The following SERPINE2 variants were observed in gnomAD, a reference collection of about 807,000 sequenced individuals.
SERPINE2 encodes serpin family E member 2, also known as glia-derived nexin.
SERPINE2 carries 14 observed loss-of-function variants against 36.3 expected under a neutral mutation model. The observed-to-expected ratio is 0.39, with a 90% confidence interval of 0.25 to 0.60. The LOEUF is 0.60. Ranked by LOEUF, SERPINE2 falls within the 20% of genes least tolerant of loss-of-function variation. The pLI is 0.57. For synonymous variants in SERPINE2, 192 were observed against 191.8 expected (o/e 1.00, Z -0.01); for missense variants, 418 against 499.6 (o/e 0.84, Z 1.56).
At chr2:224,021,864 A>G (rs1284258659) in intron 1 of SERPINE2, among the ~76,000 whole-genome samples, 5 of 152,198 alleles carry the variant, frequency 3.3e-5, no homozygotes, top group Admixed American at 2.6e-4. Flanking sequence ...TCTCTACTAA[A>G]AATACAAAAA....
At chr2:223,990,226 G>C (rs1285869231) in intron 4 of SERPINE2, among the ~76,000 whole-genome samples, 1 of 152,214 alleles carries the variant, frequency 6.6e-6, no homozygotes, top group African/African-American at 2.4e-5. Flanking sequence ...GTAAAGAAGA[G>C]AGGCATGAAT....
rs1323386193 is a variant in SERPINE2 at position 223,998,222 on chromosome 2, A to C, written c.380T>G (p.Val127Gly). ...CTGGAACACATCTTTGTTCCTTGTA[A>C]CAAAAGGCACTTCAATTTCAGAGGC... ...KNASEIEVPF[V>G]TRNKDVFQCE... Residue 127 changes from valine (V) to glycine (G), a missense_variant, in exon 3 of 9, where the codon GTT (valine) becomes GGT (glycine). Coordinates refer to ENST00000409304, the MANE Select transcript of SERPINE2 (RefSeq NM_001136528.2). 6.2e-7 allele frequency: 1 copy of C among 1,614,202 alleles called. No individual in the cohort carries two copies. Among genetic ancestry groups the C allele is most frequent in the South Asian group, 1.1e-5 (1 of 91,088 alleles).
In SERPINE2 at chr2:223,982,788, T is replaced by C; in HGVS notation, c.885-7A>G. The stretch of plus-strand genomic sequence containing the variant: ...TTGTGCTACAGCTGTGAACCTAGCA[T>C]GAAAGCAGAAATGGAGAAAAAAAAT... On this transcript the variant is annotated splice_polypyrimidine_tract_variant and splice_region_variant and intron_variant, in intron 5 of 8. Coordinates refer to ENST00000409304, the MANE Select transcript of SERPINE2 (RefSeq NM_001136528.2). The C allele has an allele frequency of 2.5e-6, 4 of 1,605,970 alleles. No individual in the cohort carries two copies. Among genetic ancestry groups the C allele is most frequent in the Non-Finnish European group, 3.4e-6 (4 of 1,175,944 alleles).
chr2:224,008,663 T>C (rs1691510863), intron 1 of SERPINE2, among the ~76,000 whole-genome samples: 1 of 152,238 alleles, frequency 6.6e-6, no homozygotes, highest in Non-Finnish European at 1.5e-5. Flanking sequence ...ATACATCTTC[T>C]GTTCCAGATG....
chr2:224,004,372 G>C (rs1691310778), intron 1 of SERPINE2, among the ~76,000 whole-genome samples: 1 of 152,222 alleles, frequency 6.6e-6, no homozygotes, highest in African/African-American at 2.4e-5. Context: ...TAAAGATTTA[G>C]AATGTTCCGT....
intron 1 of SERPINE2, among the ~76,000 whole-genome samples, chr2:224,036,643 A>T (rs983640560): frequency 2.5e-3 from 13 of 5,268 alleles, no homozygotes; most frequent in East Asian, 0.016. Flanking sequence ...AATAAAAATT[A>T]AAAAAAAAAA....
rs2106126031 is a variant in SERPINE2 at position 223,975,918 on chromosome 2, AG to A, written c.1157-15del. 6.3e-7 allele frequency: 1 copy of A among 1,596,302 alleles called. No homozygotes were observed. Among genetic ancestry groups the A allele is most frequent in the East Asian group, 2.2e-5 (1 of 44,656 alleles). On this transcript the variant is annotated splice_polypyrimidine_tract_variant and intron_variant, in intron 8 of 8. Coordinates refer to ENST00000409304, the MANE Select transcript of SERPINE2 (RefSeq NM_001136528.2). ...ATAACACAGCACCTACAGAATTAAAAGAAAACAATGCATGACTCTGTAAATT... is the reference window on the plus strand; with the variant it reads ...ATAACACAGCACCTACAGAATTAAAAAAAACAATGCATGACTCTGTAAATT...
chr2:224,014,299 G>A (rs1203046015), intron 1 of SERPINE2, among the ~76,000 whole-genome samples: 1 of 152,014 alleles, frequency 6.6e-6, no homozygotes, highest in Non-Finnish European at 1.5e-5. Context: ...CACTAGAACC[G>A]AGGAGGCAGA....
rs372191986 is a variant in SERPINE2, at chr2:223,990,730, C to A, written c.685+1073G>T. ...CGGTGGCTCATGCCTGTAATCCCAG[C>A]AGTTTGAGAGGCCAAGGCAGGTGGA... On this transcript the variant is annotated intron_variant, in intron 4 of 8. Coordinates refer to ENST00000409304, the MANE Select transcript of SERPINE2 (RefSeq NM_001136528.2). 9.2e-5 allele frequency among the ~76,000 whole-genome samples: 14 copies of A among 152,248 alleles called. 1 individual carries two copies. In the East Asian group the frequency reaches 2.5e-3, roughly 27 times the overall value.
intron 3 of SERPINE2, among the ~76,000 whole-genome samples, chr2:223,996,775 T>C (rs1421768528): frequency 1.3e-5 from 2 of 152,112 alleles, no homozygotes; most frequent in Admixed American, 1.3e-4. Context: ...CTCTCTCCCT[T>C]CTATGAAAAA....
chr2:224,025,503 C>T (rs1692153271), intron 1 of SERPINE2, among the ~76,000 whole-genome samples: 1 of 152,244 alleles, frequency 6.6e-6, no homozygotes, highest in South Asian at 2.1e-4. Flanking sequence ...CTACCCCCTA[C>T]AAATTTTGGT....
intron 1 of SERPINE2, among the ~76,000 whole-genome samples, chr2:224,015,019 G>A (rs1247292811): frequency 6.6e-6 from 1 of 151,510 alleles, no homozygotes; most frequent in East Asian, 2.0e-4. Context: ...GGGGGCCAGG[G>A]AGGGTGGTGC....
chr2:224,038,277 C>A (rs1015503141), intron 1 of SERPINE2, among the ~76,000 whole-genome samples: 2 of 152,092 alleles, frequency 1.3e-5, no homozygotes, highest in African/African-American at 4.8e-5. Flanking sequence ...GTAGCCAAAG[C>A]AAGACAGCAG....
At chr2:223,989,112 G>A (rs2106146367) in intron 4 of SERPINE2, among the ~76,000 whole-genome samples, 1 of 152,306 alleles carries the variant, frequency 6.6e-6, no homozygotes, top group East Asian at 1.9e-4. Context: ...ATTTTGCAAT[G>A]AGCATGAAAT....
chr2:224,003,978 C>T (rs1691293312), intron 1 of SERPINE2, among the ~76,000 whole-genome samples: 1 of 152,118 alleles, frequency 6.6e-6, no homozygotes, highest in African/African-American at 2.4e-5. Context: ...CAAAACTGGC[C>T]CCGTATTTGG....
chr2:224,031,023 C>T, intron 1 of SERPINE2: 3 of 985,388 alleles, frequency 3.0e-6, no homozygotes, highest in Non-Finnish European at 3.6e-6. Context: ...GGTTGTGATA[C>T]TAGGGCTATC....
At chr2:223,995,447 C>A (rs1410375953) in intron 3 of SERPINE2, among the ~76,000 whole-genome samples, 1 of 152,170 alleles carries the variant, frequency 6.6e-6, no homozygotes, top group Admixed American at 6.5e-5. Context: ...TGCTATCTGT[C>A]CTGCAATGTT....
At chr2:224,030,984 T>C in intron 1 of SERPINE2, 1 of 985,414 alleles carries the variant, frequency 1.0e-6, no homozygotes, top group African/African-American at 1.7e-5. Context: ...ACCACACAGA[T>C]ACTGGCCTCT....
chr2:224,036,276 C>T (rs1433972649), intron 1 of SERPINE2, among the ~76,000 whole-genome samples: 3 of 150,220 alleles, frequency 2.0e-5, no homozygotes, highest in Non-Finnish European at 3.0e-5. Context: ...TGGGTAACCC[C>T]AAGAGGTAGC....
Sources: gnomAD v4.1 joint callset for allele counts (sites outside exome capture counted in the v4.1 genomes callset) on GRCh38, gnomAD v4.1.1 for gene constraint, MANE v1.5 for transcripts, NCBI Gene and HGNC (gene_info 2026-07-23, HGNC 2026-07-21) for gene names.